RUNX2: variants seen among roughly 807,000 people sequenced by gnomAD.
RUNX2 encodes the protein RUNX family transcription factor 2, also known as runt-related transcription factor 2.
Under a neutral mutation model 51.7 loss-of-function variants are expected in RUNX2, and 10 were observed. The observed-to-expected ratio is 0.19, with a 90% CI of 0.12 to 0.33. The LOEUF (loss-of-function observed/expected upper bound fraction) is 0.33, where lower values mean the gene tolerates loss of function less well. Among genes scored for constraint, RUNX2 ranks in the 10% least tolerant of loss-of-function variants. RUNX2 has a pLI of 1.00. For synonymous variants in RUNX2, 276 were observed against 273.6 expected (o/e 1.01, Z -0.09); for missense variants, 562 against 691.3 (o/e 0.81, Z 2.10).
At chr6:45,436,104 T>G (rs1023379873) in intron 4 of RUNX2, among the ~76,000 whole-genome samples, 2 of 152,206 alleles carry the variant, frequency 1.3e-5, no homozygotes, top group African/African-American at 4.8e-5. Context: ...GCCAATATAG[T>G]GGATAAAATA....
At chr6:45,402,993 A>G (rs1032706621) in intron 2 of RUNX2, among the ~76,000 whole-genome samples, 1 of 152,168 alleles carries the variant, frequency 6.6e-6, no homozygotes, top group African/African-American at 2.4e-5. Flanking sequence ...TATAGCAAAA[A>G]CATTTTGGCA....
intron 2 of RUNX2, among the ~76,000 whole-genome samples, chr6:45,376,864 T>C (rs73735398): frequency 0.012 from 1,817 of 152,282 alleles, 46 homozygotes; most frequent in African/African-American, 0.042. Flanking sequence ...CATACATATA[T>C]ACACATACAT....
intron 5 of RUNX2, among the ~76,000 whole-genome samples, chr6:45,444,750 T>C (rs1221933082): frequency 6.6e-6 from 1 of 152,224 alleles, no homozygotes; most frequent in African/African-American, 2.4e-5. Flanking sequence ...TTAACAAACT[T>C]GAGTGAACAG....
intron 3 of RUNX2, among the ~76,000 whole-genome samples, chr6:45,424,143 C>A (rs1193546169): frequency 6.6e-6 from 1 of 152,214 alleles, no homozygotes; most frequent in African/African-American, 2.4e-5. Flanking sequence ...GCCTGCCCGG[C>A]CCGTTAGTTT....
chr6:45,534,004 C>G (rs1208870124), intron 7 of RUNX2, among the ~76,000 whole-genome samples: 7 of 150,094 alleles, frequency 4.7e-5, no homozygotes, highest in African/African-American at 1.7e-4. Flanking sequence ...AAGTGATTCT[C>G]ATGCCTCAGC....
At chr6:45,376,764 G>A (rs1460653483) in intron 2 of RUNX2, among the ~76,000 whole-genome samples, 1 of 152,074 alleles carries the variant, frequency 6.6e-6, no homozygotes, top group Non-Finnish European at 1.5e-5. Context: ...TGTCCTTCAA[G>A]TAAATCTTTG....
intron 5 of RUNX2, among the ~76,000 whole-genome samples, chr6:45,467,881 C>T (rs1799683071): frequency 6.6e-6 from 1 of 152,224 alleles, no homozygotes; most frequent in African/African-American, 2.4e-5. Flanking sequence ...CCTTTCCTTA[C>T]CTTAATATAG....
chr6:45,413,085 A>G (rs1000945117), intron 2 of RUNX2, among the ~76,000 whole-genome samples: 7 of 152,176 alleles, frequency 4.6e-5, no homozygotes, highest in Non-Finnish European at 8.8e-5. Context: ...TAAAGATTTG[A>G]TAATGGAATC....
At chr6:45,535,704 G>A (rs1374008232) in intron 7 of RUNX2, among the ~76,000 whole-genome samples, 1 of 152,054 alleles carries the variant, frequency 6.6e-6, no homozygotes, top group Non-Finnish European at 1.5e-5. Context: ...AATATATGAA[G>A]AAGCTTCACA....
Position 45,431,844 on chromosome 6 carries a change from T to C in RUNX2, c.424-19T>C. On this transcript the variant is annotated intron_variant, in intron 3 of 8. Transcript: ENST00000647337. ...TTCTGATGTGCCATTATTGCTGCTG[T>C]GTTTCCTGTTTTATGTAGGTGGTAG... 1 of 1,613,738 alleles carries C rather than the reference T, an allele frequency of 6.2e-7. No individual in the cohort carries two copies.
At chr6:45,361,509 T>C (rs1315831525) in intron 2 of RUNX2, 1 of 152,188 alleles carries the variant, frequency 6.6e-6, no homozygotes, top group Non-Finnish European at 1.5e-5. Context: ...TTAATTAAAA[T>C]TCTTAAGAAG....
chr6:45,405,189 A>G (rs1032486947), intron 2 of RUNX2, among the ~76,000 whole-genome samples: 2 of 152,246 alleles, frequency 1.3e-5, no homozygotes, highest in African/African-American at 4.8e-5. Flanking sequence ...GTAAGCCAAT[A>G]TCTACAACAT....
chr6:45,423,945 T>G (rs1798311234), intron 3 of RUNX2, among the ~76,000 whole-genome samples: 1 of 152,218 alleles, frequency 6.6e-6, no homozygotes, highest in Admixed American at 6.5e-5. Flanking sequence ...GGAACAACTT[T>G]AGTTCGCCCA....
intron 2 of RUNX2, among the ~76,000 whole-genome samples, chr6:45,367,488 G>C (rs1038701746): frequency 1.3e-5 from 2 of 151,980 alleles, no homozygotes; most frequent in Non-Finnish European, 2.9e-5. Context: ...CCAAGACTGG[G>C]GGAAAACAGG....
At chr6:45,423,446 G>T (rs1464735279) in intron 3 of RUNX2, among the ~76,000 whole-genome samples, 1 of 152,116 alleles carries the variant, frequency 6.6e-6, no homozygotes, top group Non-Finnish European at 1.5e-5. Context: ...CTCTCTTTGG[G>T]GCTCCGCGCG....
intron 7 of RUNX2, among the ~76,000 whole-genome samples, chr6:45,514,012 G>A (rs1464020276): frequency 1.3e-5 from 2 of 152,196 alleles, no homozygotes; most frequent in Non-Finnish European, 2.9e-5. Flanking sequence ...CACTTTGACA[G>A]AATAGACTTA....
At chr6:45,463,421 G>A (rs1304227252) in intron 5 of RUNX2, among the ~76,000 whole-genome samples, 3 of 152,198 alleles carry the variant, frequency 2.0e-5, no homozygotes, top group South Asian at 2.1e-4. Context: ...CATTTTAGGT[G>A]ACCTTATTAT....
intron 5 of RUNX2, among the ~76,000 whole-genome samples, chr6:45,469,872 A>G (rs1347695622): frequency 2.0e-5 from 3 of 152,176 alleles, no homozygotes; most frequent in African/African-American, 7.2e-5. Context: ...ATCTCTAACT[A>G]GAGGAGCATC....
chr6:45,423,459 C>G (rs1798291440), intron 3 of RUNX2, among the ~76,000 whole-genome samples: 1 of 152,166 alleles, frequency 6.6e-6, no homozygotes, highest in Non-Finnish European at 1.5e-5. Context: ...TCCGCGCGCT[C>G]TCACCCGCTT....
Sources: allele counts gnomAD v4.1 joint callset (sites outside exome capture counted in the v4.1 genomes callset), GRCh38; gene constraint gnomAD v4.1.1; transcripts MANE v1.5; gene names NCBI Gene and HGNC (gene_info 2026-07-23, HGNC 2026-07-21).